Variants in CACNA1C observed in about 807,000 individuals in gnomAD.
CACNA1C encodes calcium voltage-gated channel subunit alpha1 C, also known as voltage-dependent L-type calcium channel subunit alpha-1C.
CACNA1C carries 30 observed loss-of-function variants against 229.0 expected under a neutral mutation model. The observed-to-expected ratio is 0.13, with a 90% CI of 0.10 to 0.18. The LOEUF is 0.18. Ranked by LOEUF, CACNA1C falls within the 10% of genes least tolerant of loss-of-function variation. The probability of loss-of-function intolerance (pLI) is 1.00; values close to 1 mark genes in which losing one functional copy is unlikely to be tolerated. For synonymous variants in CACNA1C, 1,114 were observed against 1,132.5 expected (o/e 0.98, Z 0.33); for missense variants, 1,658 against 2,845.0 (o/e 0.58, Z 9.49).
Position 2,653,770 on chromosome 12 carries a change from C to A in CACNA1C, c.4075-65C>A. 6.9e-7 allele frequency: 1 copy of A among 1,450,976 alleles called. No individual in the cohort carries two copies. Among genetic ancestry groups the A allele is most frequent in the South Asian group, 1.2e-5 (1 of 86,698 alleles). The allele number at this position is 1,450,976 out of a possible 1,614,324, so 89.9% of individuals were successfully genotyped here. ...TGCAGAGACAGGGATGCGGCGCTCC[C>A]TGGGAAGGGGCCCAGCTGGCCTCTG... On this transcript the variant is annotated intron_variant, in intron 32 of 46. Transcript: ENST00000399655. The surrounding 1 kb of genome is among the most constrained non-coding windows in gnomAD (Gnocchi z 4.7).
chr12:2,449,339 C>T (rs1202472428), intron 4 of CACNA1C, among the ~76,000 whole-genome samples: 3 of 152,184 alleles, frequency 2.0e-5, no homozygotes, highest in East Asian at 1.9e-4. Context: ...CTTCCCGCCT[C>T]GCAGGTTGAA....
intron 3 of CACNA1C, among the ~76,000 whole-genome samples, chr12:2,298,211 T>C (rs2094236796): frequency 6.6e-6 from 1 of 152,250 alleles, no homozygotes; most frequent in African/African-American, 2.4e-5. Context: ...TGACAAGTGC[T>C]CAGCAATAGT....
intron 3 of CACNA1C, among the ~76,000 whole-genome samples, chr12:2,276,965 A>G (rs558908603): frequency 2.9e-4 from 44 of 152,248 alleles, no homozygotes; most frequent in Non-Finnish European, 4.6e-4. Context: ...CTGGAGCATG[A>G]AAATCCCAGC....
intron 3 of CACNA1C, among the ~76,000 whole-genome samples, chr12:2,189,687 C>T (rs1347056941): frequency 2.0e-5 from 3 of 152,126 alleles, no homozygotes; most frequent in East Asian, 1.9e-4. Flanking sequence ...GGCCATCTTC[C>T]GCCATTGTGA....
chr12:2,610,750 T>C lies in CACNA1C; in HGVS notation c.3717+51T>C, dbSNP rs1440264441. On this transcript the variant is annotated intron_variant, in intron 28 of 46. Transcript: ENST00000399655. ...TGGTGCTGCAGAAGGGAGTGTGCCA[T>C]GGGGATGGAAAGTGTAACGGAGCGG... is the stretch of plus-strand genomic sequence containing the variant. 3.1e-6 allele frequency: 5 copies of C among 1,597,106 alleles called. No individual in the cohort carries two copies. The East Asian group carries it at 8.9e-5, about 29-fold the overall frequency.
intron 1 of CACNA1C, among the ~76,000 whole-genome samples, chr12:2,068,719 A>G (rs972848142): frequency 1.3e-5 from 2 of 152,170 alleles, no homozygotes; most frequent in Non-Finnish European, 2.9e-5. Context: ...GGGAGTTGGC[A>G]TGGCAGGCCC....
chr12:2,491,121 G>A lies in CACNA1C; in HGVS notation c.917-2069G>A, dbSNP rs565480220. 5.9e-5 allele frequency among the ~76,000 whole-genome samples: 9 copies of A among 152,286 alleles called. No homozygotes were observed. The South Asian group carries it at 1.9e-3, about 32-fold the overall frequency. Reference sequence around the variant, plus strand: ...AACATTATGCTAAGTGAAAGAAGATGGACATAAAAAGCCTCATAGTGTGTG... The same window carrying A: ...AACATTATGCTAAGTGAAAGAAGATAGACATAAAAAGCCTCATAGTGTGTG... On this transcript the variant is annotated intron_variant, in intron 6 of 46. Coordinates refer to ENST00000399655, the MANE Select transcript of CACNA1C (RefSeq NM_000719.7).
At chr12:2,183,579 C>CCT (rs2096905874) in intron 3 of CACNA1C, among the ~76,000 whole-genome samples, 1 of 152,174 alleles carries the variant, frequency 6.6e-6, no homozygotes, top group African/African-American at 2.4e-5. Context: ...GGGACAGACC[C>CCT]CCCCCCGGCT....
intron 1 of CACNA1C, among the ~76,000 whole-genome samples, chr12:2,080,287 C>G (rs1462800341): frequency 6.6e-6 from 1 of 151,134 alleles, no homozygotes; most frequent in Non-Finnish European, 1.5e-5. Context: ...ACAAAAAAAA[C>G]AAATAAAATA....
chr12:2,504,611 C>T lies in CACNA1C; in HGVS notation c.1114-231C>T, dbSNP rs1471232650. ...GTCTCAGGTTCCACTCCGTACATGC[C>T]CGGGGTCCTCAGGGATGGGACCCTG... On this transcript the variant is annotated intron_variant, in intron 7 of 46. Coordinates refer to ENST00000399655, the MANE Select transcript of CACNA1C (RefSeq NM_000719.7). This position sits in a 1 kb window ranked among gnomAD's most constrained non-coding sequence, Gnocchi z 6.8. 6.4e-6 allele frequency: 6 copies of T among 935,466 alleles called. No homozygotes were observed. The highest frequency in any genetic ancestry group is 5.2e-5 in the Admixed American group (3 of 57,256). 57.9% of individuals were successfully genotyped at this position (935,466 alleles called of 1,614,324 possible).
intron 3 of CACNA1C, among the ~76,000 whole-genome samples, chr12:2,145,226 TA>T (rs2094594718): frequency 6.6e-6 from 1 of 151,154 alleles, no homozygotes; most frequent in Admixed American, 6.7e-5. Context: ...TGTTTATTTT[TA>T]TTTTTGTAAA....
intron 34 of CACNA1C, 123 bp downstream of exon 34, chr12:2,655,361 T>G: frequency 3.2e-6 from 2 of 617,292 alleles, no homozygotes; most frequent in Non-Finnish European, 5.7e-6. Context: ...GATGTGTTGC[T>G]TGCTCTCTGC....
At chr12:2,273,136 T>C (rs1262693564) in intron 3 of CACNA1C, among the ~76,000 whole-genome samples, 2 of 152,182 alleles carry the variant, frequency 1.3e-5, no homozygotes, top group African/African-American at 4.8e-5. Flanking sequence ...AATCCTTAGG[T>C]ACTCAAGTCC....
chr12:2,434,104 T>C (rs1276370172), intron 3 of CACNA1C, among the ~76,000 whole-genome samples: 2 of 152,140 alleles, frequency 1.3e-5, no homozygotes, highest in African/African-American at 2.4e-5. Flanking sequence ...TCACCTGCGC[T>C]CCCTTCCTGC....
intron 30 of CACNA1C, among the ~76,000 whole-genome samples, chr12:2,643,866 C>T (rs2094029043): frequency 6.6e-6 from 1 of 152,186 alleles, no homozygotes; most frequent in Non-Finnish European, 1.5e-5. Context: ...GAGGTCTCTC[C>T]CTCAAAGCCC....
rs973047884 is a variant in CACNA1C at position 2,403,845 on chromosome 12, G to A, written c.478-45131G>A. Among the ~76,000 whole-genome samples, 4 of 152,150 alleles carry A rather than the reference G, an allele frequency of 2.6e-5. No individual in the cohort carries two copies. Among genetic ancestry groups the A allele is most frequent in the African/African-American group, 7.2e-5 (3 of 41,426 alleles). ...TGGTGTTGACAGACTGCTGGTGTCC[G>A]TGGACCACAGCTCTGCTCTGGGGCC... On this transcript the variant is annotated intron_variant, in intron 3 of 46. Transcript: ENST00000399655. The surrounding 1 kb of genome is among the most constrained non-coding windows in gnomAD (Gnocchi z 4.1).
intron 3 of CACNA1C, among the ~76,000 whole-genome samples, chr12:2,140,566 C>G (rs958744259): frequency 2.6e-5 from 4 of 151,330 alleles, no homozygotes; most frequent in Non-Finnish European, 5.9e-5. Flanking sequence ...GGGCAAATGT[C>G]TTTGCTTCTC....
intron 3 of CACNA1C, among the ~76,000 whole-genome samples, chr12:2,196,101 T>A (rs956483888): frequency 6.6e-6 from 1 of 152,218 alleles, no homozygotes; most frequent in Non-Finnish European, 1.5e-5. Context: ...TAACTTCTGC[T>A]TTAGAGATTA....
rs746553767 is a variant in CACNA1C, at chr12:2,115,429, A to G, written c.255A>G (p.Gln85=). The change falls in exon 2 of 47, where the codon CAA becomes CAG. Residue 85 remains glutamine (Q), a synonymous_variant. Coordinates refer to ENST00000399655, the MANE Select transcript of CACNA1C (RefSeq NM_000719.7). ...GCTCCACGCAGCGGAAGCGGCAGCA[A>G]TATGGGAAACCCAAGAAGCAGGGCA... ...TVSSTQRKRQ[Q]YGKPKKQGST... is the part of the protein sequence containing the mutation. 3.1e-6 allele frequency: 5 copies of G among 1,613,072 alleles called. No homozygotes were observed. Among genetic ancestry groups the G allele is most frequent in the Admixed American group, 3.3e-5 (2 of 60,008 alleles).
Sources: gnomAD v4.1 joint callset for allele counts (sites outside exome capture counted in the v4.1 genomes callset) on GRCh38, gnomAD v4.1.1 for gene constraint, Gnocchi (gnomAD v3.1) non-coding constraint, MANE v1.5 for transcripts, NCBI Gene and HGNC (gene_info 2026-07-23, HGNC 2026-07-21) for gene names.